FRK: variants seen among roughly 807,000 people sequenced by gnomAD.
The protein encoded by FRK is tyrosine-protein kinase FRK.
FRK carries 51 observed loss-of-function variants against 56.4 expected under a neutral mutation model. The observed-to-expected ratio is 0.90, with a 90% confidence interval of 0.72 to 1.14. The LOEUF (loss-of-function observed/expected upper bound fraction) is 1.14, where lower values mean the gene tolerates loss of function less well. FRK is among the 50% of genes most tolerant of loss of function. The pLI is 0.00. For synonymous variants in FRK, 245 were observed against 217.9 expected, an observed-to-expected ratio of 1.12 and a Z score of -1.10; for missense variants, 570 against 601.4, an observed-to-expected ratio of 0.95 and a Z score of 0.55.
chr6:116,044,635 C>A (rs180932460), intron 1 of FRK, among the ~76,000 whole-genome samples: 2 of 151,978 alleles, frequency 1.3e-5, no homozygotes, highest in East Asian at 3.8e-4. Context: ...TCATACTGAA[C>A]GGGCAAAAGC....
intron 2 of FRK, among the ~76,000 whole-genome samples, chr6:115,976,881 A>G (rs1221041333): frequency 1.3e-5 from 2 of 152,170 alleles, no homozygotes; most frequent in African/African-American, 4.8e-5. Flanking sequence ...GTCAAATAGC[A>G]TTGTCAACAA....
upstream of FRK, among the ~76,000 whole-genome samples, chr6:116,062,445 C>T (rs1333008788): frequency 6.8e-6 from 1 of 146,952 alleles, no homozygotes; most frequent in African/African-American, 2.5e-5. Flanking sequence ...CCTGAGACAT[C>T]TACATGATCT....
At position 115,938,636 on chromosome 6, in the gene FRK, G is replaced by T. The variant is rs200032843; in HGVS notation, c.*3778C>A. ...TAGACACAATAAAAAATGATAAAGC[G>T]GAGATCACCACTGATCCCACAGAAA... On this transcript the variant is annotated 3_prime_UTR_variant, in exon 8 of 8. Coordinates refer to ENST00000606080, the MANE Select transcript of FRK (RefSeq NM_002031.3). The T allele has an allele frequency of 3.3e-5, 5 of 152,010 alleles. No individual in the cohort carries two copies. The highest frequency in any genetic ancestry group is 7.4e-5 in the Non-Finnish European group (5 of 67,990). 9.4% of individuals were successfully genotyped at this position (152,010 alleles called of 1,614,324 possible). A position where few individuals can be genotyped will look rare whatever the true frequency, so the allele number is the denominator to read the frequency against.
intron 1 of FRK, among the ~76,000 whole-genome samples, chr6:116,057,121 T>C (rs953080635): frequency 1.3e-5 from 2 of 152,204 alleles, no homozygotes; most frequent in Non-Finnish European, 2.9e-5. Flanking sequence ...AATACTAACA[T>C]ACGTTGCATT....
At chr6:116,038,965 A>G in intron 1 of FRK, 1 of 690,610 alleles carries the variant, frequency 1.4e-6, no homozygotes, top group South Asian at 1.4e-5. Flanking sequence ...AAAGTAACTA[A>G]CGGGGCCTTT....
chr6:116,047,397 C>CTTT, intron 1 of FRK, among the ~76,000 whole-genome samples: 1 of 137,962 alleles, frequency 7.2e-6, no homozygotes, highest in African/African-American at 2.6e-5. Context: ...TCCACTTCCT[C>CTTT]TTTTTTTTTT....
At chr6:116,059,834 G>A (rs1777549494) in intron 1 of FRK, 134 bp downstream of exon 1, 5 of 753,210 alleles carry the variant, frequency 6.6e-6, no homozygotes, top group African/African-American at 1.7e-5. Context: ...TCAATTAGTG[G>A]TTTCTTGCCA....
intron 1 of FRK, among the ~76,000 whole-genome samples, chr6:116,051,652 C>T (rs1364562675): frequency 6.6e-6 from 1 of 152,054 alleles, no homozygotes; most frequent in African/African-American, 2.4e-5. Context: ...CCTGCAATAT[C>T]GTTAAAACTG....
chr6:116,100,285 G>A, the FRK span, among the ~76,000 whole-genome samples: 1 of 152,194 alleles, frequency 6.6e-6, no homozygotes, highest in Non-Finnish European at 1.5e-5. Context: ...ACGCACTCCA[G>A]GGTATGAAAT....
chr6:116,060,264 G>A lies in FRK; in HGVS notation c.48C>T (p.Leu16=), dbSNP rs1777578187. The stretch of plus-strand genomic sequence containing the variant: ...TGTCTGCCTCCGTGGACAAACAGGG[G>A]AGATAGGGTTCTAGGTACTCCCAGA... ...QRLWEYLEPY[L]PCLSTEADKS... Residue 16 remains leucine, a synonymous_variant, in exon 1 of 8, where the codon CTC becomes CTT. Transcript: ENST00000606080. The A allele has an allele frequency of 6.2e-7, 1 of 1,614,142 alleles. No individual in the cohort carries two copies. The highest frequency in any genetic ancestry group is 8.5e-7 in the Non-Finnish European group (1 of 1,180,014).
chr6:116,092,099 G>T, the FRK span, among the ~76,000 whole-genome samples: 1 of 152,084 alleles, frequency 6.6e-6, no homozygotes, highest in Non-Finnish European at 1.5e-5. Flanking sequence ...CTATAAGAAT[G>T]ATTTCTAGTA....
chr6:116,059,761 T>C (rs977873839), intron 1 of FRK, among the ~76,000 whole-genome samples: 7 of 152,198 alleles, frequency 4.6e-5, no homozygotes, highest in African/African-American at 1.7e-4. Context: ...CATACTGTAA[T>C]TGAAGTCATC....
At chr6:115,977,520 A>G (rs576979979) in intron 2 of FRK, among the ~76,000 whole-genome samples, 7 of 152,194 alleles carry the variant, frequency 4.6e-5, no homozygotes, top group Non-Finnish European at 1.0e-4. Context: ...ATCATGATCC[A>G]TTAAGGAAGT....
At chr6:115,989,999 A>G (rs1289749683) in intron 2 of FRK, among the ~76,000 whole-genome samples, 2 of 151,928 alleles carry the variant, frequency 1.3e-5, no homozygotes, top group Non-Finnish European at 2.9e-5. Context: ...GTAGGATGGT[A>G]TCTCATTATG....
chr6:116,067,991 T>C, the FRK span, among the ~76,000 whole-genome samples: 3 of 152,228 alleles, frequency 2.0e-5, no homozygotes, highest in Non-Finnish European at 4.4e-5. Context: ...AGACAAAATT[T>C]AGATACTTCC....
intron 5 of FRK, among the ~76,000 whole-genome samples, chr6:115,954,829 A>G (rs1237432230): frequency 1.3e-5 from 2 of 152,190 alleles, no homozygotes; most frequent in Non-Finnish European, 2.9e-5. Context: ...AGCTTTAAGA[A>G]TCAGGGTGAG....
chr6:115,948,605 C>G (rs1475398640), intron 5 of FRK, among the ~76,000 whole-genome samples: 1 of 152,210 alleles, frequency 6.6e-6, no homozygotes, highest in Non-Finnish European at 1.5e-5. Flanking sequence ...ATCTCACCCA[C>G]TTTTACTGTT....
At chr6:116,027,939 G>A (rs1026837554) in intron 1 of FRK, among the ~76,000 whole-genome samples, 1 of 151,940 alleles carries the variant, frequency 6.6e-6, no homozygotes, top group African/African-American at 2.4e-5. Context: ...GTTCAGAGGA[G>A]AAGCTATCCA....
At chr6:116,073,371 A>G in the FRK span, among the ~76,000 whole-genome samples, 1 of 152,304 alleles carries the variant, frequency 6.6e-6, no homozygotes, top group East Asian at 1.9e-4. Flanking sequence ...TTATTTTCTT[A>G]AGTGATGAGT....
Sources: gnomAD v4.1 joint callset for allele counts (sites outside exome capture counted in the v4.1 genomes callset) on GRCh38, gnomAD v4.1.1 for gene constraint, MANE v1.5 for transcripts, NCBI Gene and HGNC (gene_info 2026-07-23, HGNC 2026-07-21) for gene names.